The following MACROD2 variants were observed in gnomAD, a reference collection of about 807,000 sequenced individuals.
MACROD2 encodes the protein mono-ADP ribosylhydrolase 2, also known as ADP-ribose glycohydrolase MACROD2.
MACROD2 carries 36 observed loss-of-function variants against 70.4 expected under a neutral mutation model. That is an observed-to-expected ratio of 0.51 (90% CI 0.39 to 0.68). MACROD2 has a LOEUF of 0.68. MACROD2 is among the 30% of genes least tolerant of loss of function. The pLI is 0.00. For synonymous variants in MACROD2, 172 were observed against 178.8 expected (o/e 0.96, Z 0.30); for missense variants, 496 against 538.4 (o/e 0.92, Z 0.78).
At chr20:14,467,065 A>G (rs924564363) in intron 3 of MACROD2, among the ~76,000 whole-genome samples, 1 of 152,154 alleles carries the variant, frequency 6.6e-6, no homozygotes, top group Non-Finnish European at 1.5e-5. Context: ...TAAAGCTGTC[A>G]GACAGGGACA....
At chr20:14,987,661 C>CA (rs991282889) in intron 5 of MACROD2, among the ~76,000 whole-genome samples, 4 of 151,972 alleles carry the variant, frequency 2.6e-5, no homozygotes, top group Non-Finnish European at 5.9e-5. Context: ...TATAAAGGAA[C>CA]AAAAAATTAC....
chr20:14,738,788 A>G (rs561768002), intron 5 of MACROD2, among the ~76,000 whole-genome samples: 24 of 152,108 alleles, frequency 1.6e-4, no homozygotes, highest in African/African-American at 4.8e-4. Flanking sequence ...AAATTAAAAG[A>G]GAAATAATGA....
intron 5 of MACROD2, among the ~76,000 whole-genome samples, chr20:15,133,230 T>G (rs1036412604): frequency 6.6e-5 from 10 of 152,004 alleles, no homozygotes; most frequent in Non-Finnish European, 1.3e-4. Context: ...AAACAAACTT[T>G]GAGGAGAAAA....
In MACROD2 at chr20:14,207,574, T is replaced by C. The variant is rs73264809; in HGVS notation, c.271+121846T>C. Among the ~76,000 whole-genome samples, 597 of 152,342 alleles carry C rather than the reference T, an allele frequency of 3.9e-3. 6 individuals are homozygous for C. The highest frequency in any genetic ancestry group is 0.014 in the African/African-American group (573 of 41,574). On this transcript the variant is annotated intron_variant, in intron 3 of 17. Coordinates refer to ENST00000684519, the MANE Select transcript of MACROD2 (RefSeq NM_001351661.2). The stretch of plus-strand genomic sequence containing the variant: ...CATTGCCAAACTTCCTTAGCTTATA[T>C]GAGAATTCTGTGAGGAATTCCTTGT...
chr20:14,460,274 G>A (rs961231577), intron 3 of MACROD2, among the ~76,000 whole-genome samples: 1 of 152,142 alleles, frequency 6.6e-6, no homozygotes, highest in Non-Finnish European at 1.5e-5. Context: ...TGGTATTTCT[G>A]GTTCTAGATC....
At chr20:15,685,702 CTGCCTGGGTAATGACTTTGCCATCA>C (rs1214084526) in intron 8 of MACROD2, among the ~76,000 whole-genome samples, 14 of 152,338 alleles carry the variant, frequency 9.2e-5, no homozygotes, top group African/African-American at 3.1e-4. Flanking sequence ...CCTTCCACTA[CTGCCTGGGTAATGACTTTGCCATCA>C]CAGTTCTGTC....
intron 5 of MACROD2, among the ~76,000 whole-genome samples, chr20:14,840,370 A>G (rs1418783105): frequency 4.0e-5 from 6 of 151,848 alleles, no homozygotes; most frequent in African/African-American, 1.5e-4. Flanking sequence ...TTCCTGAAAG[A>G]GTAAATTGAT....
At chr20:15,424,608 T>C (rs1028889464) in intron 6 of MACROD2, among the ~76,000 whole-genome samples, 4 of 152,238 alleles carry the variant, frequency 2.6e-5, no homozygotes, top group South Asian at 4.2e-4. Context: ...TAGTCCCAGC[T>C]ACTTAGGAGG....
chr20:15,985,664 C>CT (rs2066470304), intron 13 of MACROD2: 5 of 152,566 alleles, frequency 3.3e-5, no homozygotes, highest in African/African-American at 1.2e-4. Flanking sequence ...TCAGGCTGGC[C>CT]GGAGTCCCCC....
intron 5 of MACROD2, among the ~76,000 whole-genome samples, chr20:14,978,200 T>C (rs2074759894): frequency 6.6e-6 from 1 of 152,168 alleles, no homozygotes; most frequent in Admixed American, 6.5e-5. Context: ...CCTGCCAGCA[T>C]ATTTAGCTTT....
rs140089035 is a variant in MACROD2, at chr20:15,401,747, C to T, written c.541-29658C>T. On this transcript the variant is annotated intron_variant, in intron 6 of 17. Coordinates refer to ENST00000684519, the MANE Select transcript of MACROD2 (RefSeq NM_001351661.2). ...CCTGAATAACCAAGGGCTTTGAGGC[C>T]GACTATAGAAAACAATAGAGAAATT... 2.8e-3 allele frequency among the ~76,000 whole-genome samples: 432 copies of T among 152,112 alleles called. 3 individuals are homozygous for T. The highest frequency in any genetic ancestry group is 0.01 in the African/African-American group (416 of 41,508).
chr20:15,776,416 G>T (rs1353676369), intron 8 of MACROD2, among the ~76,000 whole-genome samples: 1 of 152,132 alleles, frequency 6.6e-6, no homozygotes, highest in African/African-American at 2.4e-5. Flanking sequence ...GAAGGACAAG[G>T]TTGACCTGTC....
intron 6 of MACROD2, among the ~76,000 whole-genome samples, chr20:15,355,676 C>T (rs1432587797): frequency 5.9e-5 from 9 of 152,114 alleles, no homozygotes; most frequent in Non-Finnish European, 1.2e-4. Flanking sequence ...TGACCAGTCC[C>T]CTGAAATAAT....
intron 8 of MACROD2, among the ~76,000 whole-genome samples, chr20:15,628,429 C>T (rs1274727171): frequency 7.9e-5 from 12 of 152,172 alleles, no homozygotes; most frequent in South Asian, 4.1e-4. Context: ...CTTAACTACA[C>T]GCAGCTCTTC....
intron 3 of MACROD2, among the ~76,000 whole-genome samples, chr20:14,403,957 A>T (rs1423847544): frequency 6.6e-6 from 1 of 152,166 alleles, no homozygotes; most frequent in Admixed American, 6.5e-5. Context: ...TATGATAAAA[A>T]ATAATTAGGG....
intron 3 of MACROD2, chr20:14,223,022 A>G (rs1283248476): frequency 6.6e-6 from 1 of 152,194 alleles, no homozygotes; most frequent in East Asian, 1.9e-4. Flanking sequence ...TTGCTCACAT[A>G]AGGAATTGAG....
intron 5 of MACROD2, among the ~76,000 whole-genome samples, chr20:15,023,843 A>G (rs2075209418): frequency 6.6e-6 from 1 of 152,118 alleles, no homozygotes; most frequent in Admixed American, 6.5e-5. Context: ...TCACCCAAGG[A>G]ACACATCAGT....
chr20:15,881,062 T>G (rs1281653126), intron 9 of MACROD2, among the ~76,000 whole-genome samples: 1 of 152,124 alleles, frequency 6.6e-6, no homozygotes, highest in Non-Finnish European at 1.5e-5. Context: ...TCGTCCACTT[T>G]GTGACCTCCT....
intron 5 of MACROD2, among the ~76,000 whole-genome samples, chr20:15,191,796 G>A (rs564798474): frequency 1.3e-5 from 2 of 152,062 alleles, no homozygotes; most frequent in African/African-American, 4.8e-5. Context: ...CCCAGCTCAA[G>A]GATTAGGCAG....
Sources: gnomAD v4.1 joint callset for allele counts (sites outside exome capture counted in the v4.1 genomes callset) on GRCh38, gnomAD v4.1.1 for gene constraint, MANE v1.5 for transcripts, NCBI Gene and HGNC (gene_info 2026-07-23, HGNC 2026-07-21) for gene names.